The following CGGBP1 variants were observed in gnomAD, a reference collection of about 807,000 sequenced individuals.
CGGBP1 encodes the protein CGG triplet repeat binding protein 1, also known as CGG triplet repeat-binding protein 1.
In CGGBP1, 4 loss-of-function variants were observed where a neutral mutation model predicts 11.4. The ratio of observed to expected loss-of-function variants is 0.35; its 90% CI spans 0.17 to 0.80. The LOEUF is 0.80. Ranked by LOEUF, CGGBP1 falls within the 30% of genes least tolerant of loss-of-function variation. The pLI is 0.52. For synonymous variants in CGGBP1, 76 were observed against 74.1 expected, an observed-to-expected ratio of 1.03 and a Z score of -0.13; for missense variants, 135 against 202.1, an observed-to-expected ratio of 0.67 and a Z score of 2.01.
chr3:88,091,212 A>G lies in CGGBP1; in HGVS notation c.-228-32989T>C, dbSNP rs1179357369. Among the ~76,000 whole-genome samples, 6 of 152,204 alleles carry G rather than the reference A, an allele frequency of 3.9e-5. No homozygotes were observed. In the East Asian group the frequency reaches 5.8e-4, roughly 15 times the overall value. ...TGTCGTTAAGCAACATAATGACTGT[A>G]CTATGTTAGCTGCCCCATCAGAACC... On this transcript the variant is annotated intron_variant, in intron 2 of 3. Transcript: ENST00000462901.
At chr3:88,080,496 A>G (rs1346631573) in intron 2 of CGGBP1, among the ~76,000 whole-genome samples, 1 of 152,148 alleles carries the variant, frequency 6.6e-6, no homozygotes, top group Non-Finnish European at 1.5e-5. Flanking sequence ...TTAAAGTGAT[A>G]TTAAATTCAT....
At chr3:88,103,635 CAA>C (rs1213684261) in intron 2 of CGGBP1, among the ~76,000 whole-genome samples, 6 of 150,490 alleles carry the variant, frequency 4.0e-5, no homozygotes, top group African/African-American at 9.8e-5. Flanking sequence ...GTGAAAGTAA[CAA>C]GAGAAAAAAA....
chr3:88,141,915 A>G (rs1028148840), intron 1 of CGGBP1: 17 of 327,544 alleles, frequency 5.2e-5, no homozygotes, highest in African/African-American at 3.6e-4. Context: ...TAGCAGCAGC[A>G]TGTTCAGTTT....
At chr3:88,106,137 T>C (rs2107737359) in intron 2 of CGGBP1, among the ~76,000 whole-genome samples, 1 of 152,326 alleles carries the variant, frequency 6.6e-6, no homozygotes, top group East Asian at 1.9e-4. Flanking sequence ...TATAAATTAC[T>C]CAGTCTCAGG....
upstream of CGGBP1, chr3:88,059,349 C>G (rs1296700384): frequency 2.6e-6 from 4 of 1,534,888 alleles, no homozygotes; most frequent in African/African-American, 4.1e-5. Flanking sequence ...ACCAAGAGGC[C>G]GAACGCCTCG....
At position 88,129,822 on chromosome 3, in the gene CGGBP1, A is replaced by G. The variant is rs1370630515; in HGVS notation, c.-229+11148T>C. On this transcript the variant is annotated intron_variant, in intron 2 of 3. Coordinates refer to the CGGBP1 transcript ENST00000462901. ...GCTCCAGAATGGGGATATGTACTGT[A>G]TCTGGTAAGTGTTTGTAAATAAAGA... 76 of 1,463,432 alleles carry G rather than the reference A, an allele frequency of 5.2e-5. No individual in the cohort carries two copies. In the East Asian group the frequency reaches 8.5e-4, roughly 16 times the overall value. The allele number at this position is 1,463,432 out of a possible 1,614,324, so 90.7% of individuals were successfully genotyped here.
chr3:88,083,121 C>G (rs1162570167), intron 2 of CGGBP1, among the ~76,000 whole-genome samples: 1 of 152,004 alleles, frequency 6.6e-6, no homozygotes, highest in Non-Finnish European at 1.5e-5. Context: ...AGGACTTCAC[C>G]TTTATGACCT....
At chr3:88,063,035 A>G (rs987256715), upstream of CGGBP1, among the ~76,000 whole-genome samples, 57 of 152,330 alleles carry the variant, frequency 3.7e-4, no homozygotes, top group African/African-American at 1.2e-3. Flanking sequence ...GTGAAACACA[A>G]TGATTTGTAA....
chr3:88,112,943 TC>T (rs1469559997), intron 2 of CGGBP1, among the ~76,000 whole-genome samples: 1 of 152,140 alleles, frequency 6.6e-6, no homozygotes, highest in African/African-American at 2.4e-5. Flanking sequence ...TGAAGGCACT[TC>T]TTTTAAAATC....
intron 2 of CGGBP1, among the ~76,000 whole-genome samples, chr3:88,073,202 A>G (rs1257963667): frequency 6.6e-6 from 1 of 152,100 alleles, no homozygotes; most frequent in Non-Finnish European, 1.5e-5. Flanking sequence ...GACGTACAGA[A>G]TCCGGAACTG....
At position 88,055,873 on chromosome 3, in the gene CGGBP1, TG is replaced by T; in HGVS notation, c.103del (p.His35MetfsTer16). 6.2e-7 allele frequency: 1 copy of T among 1,614,214 alleles called. No homozygotes were observed. Among genetic ancestry groups the T allele is most frequent in the Non-Finnish European group, 8.5e-7 (1 of 1,180,036 alleles). On this transcript the variant is annotated frameshift_variant, in exon 4 of 4. Transcript: ENST00000482016. LOFTEE classifies it high-confidence loss of function. The surrounding 1 kb of genome is among the most constrained non-coding windows in gnomAD (Gnocchi z 4.2). ...GCAGAAGAGTTTTCCTCCATCTTCA[TG>T]CAGCTCACCTCCAAACTCAGTGACT... ...DRVTEFGGELHEDGGKLFCTS... is the reference protein window; with the variant it reads ...DRVTEFGGELXEDGGKLFCTS...
At chr3:88,127,172 A>C (rs1312832113) in intron 2 of CGGBP1, among the ~76,000 whole-genome samples, 1 of 152,210 alleles carries the variant, frequency 6.6e-6, no homozygotes, top group Non-Finnish European at 1.5e-5. Context: ...AGGGGAAAAA[A>C]ACAAGACCTC....
At chr3:88,102,113 T>C (rs188222205) in intron 2 of CGGBP1, among the ~76,000 whole-genome samples, 5 of 152,276 alleles carry the variant, frequency 3.3e-5, no homozygotes, top group African/African-American at 1.2e-4. Context: ...CATTTTCTCA[T>C]TGGTGTCTTT....
At chr3:88,058,323 G>A (rs983275664) in intron 1 of CGGBP1, 100 bp from the exon 2 acceptor site, 5 of 152,268 alleles carry the variant, frequency 3.3e-5, no homozygotes, top group African/African-American at 1.2e-4. Flanking sequence ...CCACGCAGGT[G>A]TTTCTAAAAT....
intron 2 of CGGBP1, among the ~76,000 whole-genome samples, chr3:88,133,400 G>A (rs1236506164): frequency 6.6e-6 from 1 of 152,062 alleles, no homozygotes; most frequent in African/African-American, 2.4e-5. Context: ...ATTAATGGTT[G>A]GGGAAATAGG....
chr3:88,059,038 C>T, upstream of CGGBP1: 1 of 506,156 alleles, frequency 2.0e-6, no homozygotes. Flanking sequence ...CAGCAACCGC[C>T]GAGCAGCATT....
chr3:88,118,725 T>G (rs1705567278), intron 2 of CGGBP1, among the ~76,000 whole-genome samples: 1 of 152,148 alleles, frequency 6.6e-6, no homozygotes, highest in African/African-American at 2.4e-5. Context: ...GCAAAGCATT[T>G]TTTGAGGCGA....
chr3:88,147,235 AAAAT>A (rs1438487726), intron 1 of CGGBP1, among the ~76,000 whole-genome samples: 19 of 152,342 alleles, frequency 1.2e-4, no homozygotes, highest in Admixed American at 1.2e-3. Flanking sequence ...GCTATGCAGA[AAAAT>A]AAAGTGGGTA....
intron 2 of CGGBP1, among the ~76,000 whole-genome samples, chr3:88,122,326 A>G (rs760208031): frequency 1.3e-5 from 2 of 152,190 alleles, no homozygotes; most frequent in Non-Finnish European, 2.9e-5. Context: ...AGGTAAGTCC[A>G]GAAGTCCTTA....
Sources: gnomAD v4.1 joint callset for allele counts (sites outside exome capture counted in the v4.1 genomes callset) on GRCh38, gnomAD v4.1.1 for gene constraint, Gnocchi (gnomAD v3.1) non-coding constraint, MANE v1.5 for transcripts, NCBI Gene and HGNC (gene_info 2026-07-23, HGNC 2026-07-21) for gene names.